Variants in NAA11 observed in about 807,000 individuals in gnomAD.
The protein encoded by NAA11 is N-alpha-acetyltransferase 11, NatA catalytic subunit.
NAA11 carries 15 observed loss-of-function variants against 16.1 expected under a neutral mutation model. That is an observed-to-expected ratio of 0.93 (90% confidence interval 0.62 to 1.44). The LOEUF is 1.44. NAA11 is among the 40% of genes most tolerant of loss of function. The pLI, the probability that NAA11 is intolerant of heterozygous loss-of-function variation, is 0.00. For synonymous variants in NAA11, 122 were observed against 112.4 expected (o/e 1.09, Z -0.54); for missense variants, 298 against 291.3 (o/e 1.02, Z -0.17).
intron 2 of NAA11, among the ~76,000 whole-genome samples, chr4:79,254,362 A>G (rs1407193947): frequency 6.6e-6 from 1 of 152,184 alleles, no homozygotes. Context: ...ACTTTGTTGG[A>G]GTTATTAAAT....
chr4:79,298,128 G>C (rs918020541), intron 1 of NAA11, among the ~76,000 whole-genome samples: 2 of 152,076 alleles, frequency 1.3e-5, no homozygotes, highest in Non-Finnish European at 2.9e-5. Context: ...TCTCTGCTAG[G>C]AGCTGAACAC....
intron 2 of NAA11, among the ~76,000 whole-genome samples, chr4:79,266,786 C>T (rs1317839770): frequency 3.3e-5 from 5 of 152,144 alleles, no homozygotes; most frequent in African/African-American, 1.2e-4. Flanking sequence ...TCTCTATTAG[C>T]TTTTTTGAGT....
At chr4:79,306,735 A>G (rs1723592455) in intron 1 of NAA11, 2 of 152,232 alleles carry the variant, frequency 1.3e-5, no homozygotes, top group Non-Finnish European at 2.9e-5. Context: ...ATAGGTAAGT[A>G]TAAATCTTGT....
intron 2 of NAA11, among the ~76,000 whole-genome samples, chr4:79,253,070 T>C (rs1722031037): frequency 6.6e-6 from 1 of 152,142 alleles, no homozygotes; most frequent in Admixed American, 6.5e-5. Flanking sequence ...TATTTTGAAG[T>C]TTAAGTCAAC....
chr4:79,169,631 A>G, the NAA11 span, among the ~76,000 whole-genome samples: 2 of 152,238 alleles, frequency 1.3e-5, no homozygotes, highest in Admixed American at 6.5e-5. Context: ...CTGAAGACCT[A>G]TAACCATAAA....
rs899084899 is a variant in NAA11 at position 79,258,470 on chromosome 4, G to C, written c.*123-32200C>G. ...GGAGCTGAGCCCAGGTGCTGTCACAGCCCAGCTGGGTGTGCACATGGTCAA... is the reference window on the plus strand; with the variant it reads ...GGAGCTGAGCCCAGGTGCTGTCACACCCCAGCTGGGTGTGCACATGGTCAA... On this transcript the variant is annotated intron_variant and NMD_transcript_variant, in intron 2 of 2. Transcript: ENST00000511542. 5.9e-5 allele frequency among the ~76,000 whole-genome samples: 9 copies of C among 152,384 alleles called. No individual in the cohort carries two copies. The East Asian group carries it at 1.7e-3, about 29-fold the overall frequency.
chr4:79,304,612 T>C (rs1723510418), intron 1 of NAA11, among the ~76,000 whole-genome samples: 1 of 152,248 alleles, frequency 6.6e-6, no homozygotes, highest in South Asian at 2.1e-4. Flanking sequence ...GTAAGTCCAA[T>C]ATACATATTT....
chr4:79,165,555 A>G, the NAA11 span, among the ~76,000 whole-genome samples: 1 of 152,262 alleles, frequency 6.6e-6, no homozygotes, highest in South Asian at 2.1e-4. Context: ...TGCCAAAGCT[A>G]CCATGAAATA....
At chr4:79,316,612 C>G (rs577369553), downstream of NAA11, 4 of 152,264 alleles carry the variant, frequency 2.6e-5, no homozygotes, top group South Asian at 8.3e-4. Context: ...AATTCACATT[C>G]AGTGAACATA....
chr4:79,303,097 T>G (rs1723453863), intron 1 of NAA11, among the ~76,000 whole-genome samples: 1 of 113,800 alleles, frequency 8.8e-6, no homozygotes, highest in Non-Finnish European at 1.8e-5. Context: ...TATATATATA[T>G]ATATATATAT....
At chr4:79,203,305 A>T in the NAA11 span, among the ~76,000 whole-genome samples, 1 of 151,802 alleles carries the variant, frequency 6.6e-6, no homozygotes, top group Non-Finnish European at 1.5e-5. Context: ...AGCATCTTGC[A>T]ACACATACTT....
the NAA11 span, among the ~76,000 whole-genome samples, chr4:79,204,770 T>C: frequency 1.3e-5 from 2 of 151,914 alleles, no homozygotes; most frequent in Non-Finnish European, 2.9e-5. Flanking sequence ...TGCCTTTGCA[T>C]ACCCATAGCT....
chr4:79,182,785 T>C, the NAA11 span, among the ~76,000 whole-genome samples: 1 of 152,122 alleles, frequency 6.6e-6, no homozygotes, highest in Admixed American at 6.5e-5. Flanking sequence ...CATTTCTCCA[T>C]TATCTAAGCT....
At chr4:79,160,281 C>T in the NAA11 span, among the ~76,000 whole-genome samples, 2,487 of 152,264 alleles carry the variant, frequency 0.016, 61 homozygotes, top group African/African-American at 0.056. Context: ...CATGAGCCAC[C>T]GTGCCCAGCT....
intron 2 of NAA11, among the ~76,000 whole-genome samples, chr4:79,264,308 C>T (rs1374425598): frequency 1.3e-5 from 2 of 152,160 alleles, no homozygotes; most frequent in African/African-American, 4.8e-5. Context: ...GACTTCTCTC[C>T]TACAATGACT....
the NAA11 span, among the ~76,000 whole-genome samples, chr4:79,181,748 G>A: frequency 2.0e-5 from 3 of 152,290 alleles, no homozygotes; most frequent in African/African-American, 7.2e-5. Flanking sequence ...ATAAAACACC[G>A]AACTTATGAT....
downstream of NAA11, among the ~76,000 whole-genome samples, chr4:79,221,030 T>C (rs1721178653): frequency 6.6e-6 from 1 of 151,814 alleles, no homozygotes; most frequent in African/African-American, 2.4e-5. Flanking sequence ...TCCATTTGTT[T>C]GTATCCTCTT....
chr4:79,235,347 G>A (rs1299083367), intron 2 of NAA11, among the ~76,000 whole-genome samples: 1 of 151,984 alleles, frequency 6.6e-6, no homozygotes, highest in Non-Finnish European at 1.5e-5. Context: ...AGGCTTTATC[G>A]ACAGATGGAG....
the NAA11 span, among the ~76,000 whole-genome samples, chr4:79,164,936 G>A: frequency 3.9e-5 from 6 of 152,308 alleles, no homozygotes; most frequent in Admixed American, 1.3e-4. Context: ...TCTTTCAACC[G>A]GATTGTTTAG....
Sources: gnomAD v4.1 joint callset for allele counts (sites outside exome capture counted in the v4.1 genomes callset) on GRCh38, gnomAD v4.1.1 for gene constraint, MANE v1.5 for transcripts, NCBI Gene and HGNC (gene_info 2026-07-23, HGNC 2026-07-21) for gene names.